Variants in HPD observed in about 807,000 individuals in gnomAD.
The protein encoded by HPD is 4-hydroxyphenylpyruvic acid oxidase.
In HPD, 35 loss-of-function variants were observed where a neutral mutation model predicts 56.9. The ratio of observed to expected loss-of-function variants is 0.62; its 90% CI spans 0.47 to 0.82. The LOEUF (loss-of-function observed/expected upper bound fraction) is 0.82, where lower values mean the gene tolerates loss of function less well. Among genes scored for constraint, HPD ranks in the 40% least tolerant of loss-of-function variants. The probability of loss-of-function intolerance (pLI) is 0.00; values close to 1 mark genes in which losing one functional copy is unlikely to be tolerated. For missense variants in HPD, 442 were observed against 506.8 expected (o/e 0.87, Z 1.23); for synonymous variants, 186 against 200.2 (o/e 0.93, Z 0.60).
chr12:121,857,530 T>C lies in HPD; in HGVS notation c.94-98A>G, dbSNP rs1878049157. 3 of 1,008,246 alleles carry C rather than the reference T, an allele frequency of 3.0e-6. No homozygotes were observed. The East Asian group carries it at 7.3e-5, about 24-fold the overall frequency. 62.5% of individuals were successfully genotyped at this position (1,008,246 alleles called of 1,614,324 possible). ...CTGGCCCCCCTCAGCCTGCCTGCCC[T>C]ATTGCCTCAGGGGCAGAGACCCTCC... On this transcript the variant is annotated intron_variant, in intron 3 of 13. Transcript: ENST00000289004.
chr12:121,850,238 G>A (rs183957628), intron 7 of HPD, among the ~76,000 whole-genome samples: 1 of 152,028 alleles, frequency 6.6e-6, no homozygotes, highest in East Asian at 2.0e-4. Context: ...TGGCGAACAC[G>A]GTGAAATCCT....
rs574773747 is a variant in HPD at position 121,847,044 on chromosome 12, G to A, written c.759+8C>T. On this transcript the variant is annotated splice_region_variant and intron_variant, in intron 10 of 13. Coordinates refer to ENST00000289004, the MANE Select transcript of HPD (RefSeq NM_002150.3). ...GCTCCCCTCTCCCCCAGCCAGGGGC[G>A]GCCTCACCTGGATCTGGGACTTCTT... 6.0e-5 allele frequency: 97 copies of A among 1,614,082 alleles called. 1 individual carries two copies. Among genetic ancestry groups the A allele is most frequent in the Middle Eastern group, 5.0e-4 (3 of 6,060 alleles).
At chr12:121,878,158 T>C in the HPD span, among the ~76,000 whole-genome samples, 18,885 of 152,208 alleles carry the variant, frequency 0.12, 1,665 homozygotes, top group African/African-American at 0.24. Context: ...ATGTTTTCAC[T>C]GTTTTGTGAC....
At chr12:121,885,207 ATT>A in the HPD span, among the ~76,000 whole-genome samples, 25 of 129,564 alleles carry the variant, frequency 1.9e-4, no homozygotes, top group African/African-American at 3.3e-4. Flanking sequence ...ATATATCTGT[ATT>A]TTTTTTTTTT....
intron 7 of HPD, 93 bp downstream of exon 7, chr12:121,854,610 T>G: frequency 2.3e-6 from 2 of 876,048 alleles, no homozygotes; most frequent in East Asian, 2.4e-5. Context: ...CCAAGGCCCA[T>G]GGGTGGGATG....
At chr12:121,863,123 C>T (rs1878227652), upstream of HPD, among the ~76,000 whole-genome samples, 1 of 152,126 alleles carries the variant, frequency 6.6e-6, no homozygotes, top group South Asian at 2.1e-4. Context: ...GTTAAGACTA[C>T]AGGCATGCGC....
intron 2 of HPD, 102 bp from the exon 3 acceptor site, chr12:121,857,921 A>C: frequency 1.1e-6 from 1 of 875,588 alleles, no homozygotes; most frequent in South Asian, 1.4e-5. Context: ...TCCAGCCTCA[A>C]CCACAGAACT....
the HPD span, among the ~76,000 whole-genome samples, chr12:121,871,645 C>G: frequency 3.3e-5 from 5 of 152,180 alleles, no homozygotes; most frequent in Non-Finnish European, 7.3e-5. Flanking sequence ...GTCTTTATCT[C>G]TTGAGGTACA....
At chr12:121,882,151 T>C in the HPD span, among the ~76,000 whole-genome samples, 39 of 152,166 alleles carry the variant, frequency 2.6e-4, no homozygotes, top group East Asian at 3.3e-3. Flanking sequence ...CTGCCACCTT[T>C]ATGGCTGTCA....
At chr12:121,866,381 T>TG (rs1565882169), upstream of HPD, among the ~76,000 whole-genome samples, 1 of 145,100 alleles carries the variant, frequency 6.9e-6, no homozygotes. Flanking sequence ...ATGTTACGTT[T>TG]AAAAAAAAAA....
At chr12:121,845,972 T>A (rs1221172469) in intron 11 of HPD, among the ~76,000 whole-genome samples, 1 of 152,178 alleles carries the variant, frequency 6.6e-6, no homozygotes, top group Non-Finnish European at 1.5e-5. Context: ...CAATCATAGC[T>A]AACTGCAGCC....
upstream of HPD, among the ~76,000 whole-genome samples, chr12:121,860,508 A>T (rs1389854869): frequency 6.6e-6 from 1 of 152,132 alleles, no homozygotes; most frequent in African/African-American, 2.4e-5. Context: ...TGCCATTCAC[A>T]TGTCTGGGCA....
rs541626293 is a variant in HPD at position 121,845,470 on chromosome 12, G to A, written c.831+1392C>T. 1.9e-3 allele frequency among the ~76,000 whole-genome samples: 268 copies of A among 139,350 alleles called. 3 individuals are homozygous for A. The highest frequency in any genetic ancestry group is 4.4e-3 in the Admixed American group (64 of 14,660). 91.4% of individuals were successfully genotyped at this position (139,350 alleles called of 152,430 possible). ...AAAAACATTAGCTGGGCGTGGTGGC[G>A]GGTGCCTGTAGTCCCAGCTACTTGG... On this transcript the variant is annotated intron_variant, in intron 11 of 13. Transcript: ENST00000289004.
intron 7 of HPD, among the ~76,000 whole-genome samples, chr12:121,852,622 CTTTTTTTTTTTTTT>C (rs1176954964): frequency 2.8e-5 from 2 of 70,484 alleles, no homozygotes; most frequent in Non-Finnish European, 5.0e-5. Context: ...TCATTGGATC[CTTTTTTTTTTTTTT>C]TTTTTTTTTT....
the HPD span, among the ~76,000 whole-genome samples, chr12:121,876,800 G>A: frequency 3.9e-5 from 6 of 152,010 alleles, no homozygotes; most frequent in African/African-American, 1.4e-4. Flanking sequence ...AGGAAGAACT[G>A]TGGCAGGGCG....
the HPD span, among the ~76,000 whole-genome samples, chr12:121,873,932 A>G: frequency 1.3e-5 from 2 of 152,170 alleles, no homozygotes; most frequent in Non-Finnish European, 2.9e-5. Context: ...GCAGTGGGCT[A>G]TGATTTTGCC....
At chr12:121,859,563 T>C (rs949177881), upstream of HPD, among the ~76,000 whole-genome samples, 1 of 152,138 alleles carries the variant, frequency 6.6e-6, no homozygotes, top group African/African-American at 2.4e-5. Context: ...CACTTTAAAT[T>C]GCTAGATTGC....
the HPD span, among the ~76,000 whole-genome samples, chr12:121,870,600 T>G: frequency 6.6e-6 from 1 of 150,668 alleles, no homozygotes; most frequent in African/African-American, 2.4e-5. Flanking sequence ...TGAAGGTTTT[T>G]TTTTTTTTTT....
At chr12:121,881,073 G>A in the HPD span, among the ~76,000 whole-genome samples, 2 of 152,212 alleles carry the variant, frequency 1.3e-5, no homozygotes, top group Non-Finnish European at 1.5e-5. Context: ...TTACAGGCGT[G>A]AGCCAACGTG....
Sources: gnomAD v4.1 joint callset for allele counts (sites outside exome capture counted in the v4.1 genomes callset) on GRCh38, gnomAD v4.1.1 for gene constraint, MANE v1.5 for transcripts, NCBI Gene and HGNC (gene_info 2026-07-23, HGNC 2026-07-21) for gene names.